KLHL10: variants seen among roughly 807,000 people sequenced by gnomAD.
KLHL10 encodes kelch-like protein 10.
KLHL10 carries 11 observed loss-of-function variants against 46.6 expected under a neutral mutation model. The ratio of observed to expected loss-of-function variants is 0.24; its 90% CI spans 0.15 to 0.39. The LOEUF is 0.39. KLHL10 is among the 10% of genes least tolerant of loss of function. KLHL10 has a pLI of 1.00. For missense variants in KLHL10, 475 were observed against 789.8 expected (o/e 0.60, Z 4.78); for synonymous variants, 254 against 279.1 (o/e 0.91, Z 0.90).
chr17:41,839,180 C>T lies in KLHL10; in HGVS notation c.194+1054C>T, dbSNP rs557690385. Among the ~76,000 whole-genome samples, 10 of 152,130 alleles carry T rather than the reference C, an allele frequency of 6.6e-5. No homozygotes were observed. In the South Asian group the frequency reaches 2.1e-3, roughly 32 times the overall value. On this transcript the variant is annotated intron_variant, in intron 1 of 4. Coordinates refer to ENST00000293303, the MANE Select transcript of KLHL10 (RefSeq NM_152467.5). ...CTAATTTTTGTGTTTTTAGTAGAGA[C>T]GGGGTTTCACCATGTTGGTCAGTCT...
chr17:41,842,656 A>G (rs782370789), intron 2 of KLHL10, among the ~76,000 whole-genome samples: 1 of 151,988 alleles, frequency 6.6e-6, no homozygotes, highest in East Asian at 1.9e-4. Context: ...AAAGTATAAA[A>G]TTTGGCCAGG....
chr17:41,839,574 C>T (rs1344206228), intron 1 of KLHL10, among the ~76,000 whole-genome samples: 2 of 152,160 alleles, frequency 1.3e-5, no homozygotes, highest in Admixed American at 1.3e-4. Flanking sequence ...CATTGTAACC[C>T]AGGAGGTAGA....
At chr17:41,844,329 C>G (rs2048259270) in intron 2 of KLHL10, among the ~76,000 whole-genome samples, 1 of 151,428 alleles carries the variant, frequency 6.6e-6, no homozygotes, top group East Asian at 1.9e-4. Flanking sequence ...CTCCCCAGTT[C>G]AAGCGAGTCT....
At chr17:41,836,321 C>CGGGGGCGGGGCGGGGGTGGGGGG, upstream of KLHL10, 1 of 1,227,728 alleles carries the variant, frequency 8.1e-7, no homozygotes, top group Non-Finnish European at 1.0e-6. Context: ...GGGGTGGGGC[C>CGGGGGCGGGGCGGGGGTGGGGGG]GAGAATCGAG....
intron 3 of KLHL10, among the ~76,000 whole-genome samples, chr17:41,846,517 C>G (rs2048287964): frequency 6.7e-6 from 1 of 148,386 alleles, no homozygotes; most frequent in African/African-American, 2.5e-5. Flanking sequence ...AGCCTGATGA[C>G]AGAGCAAGAC....
Position 41,842,210 on chromosome 17 carries a change from G to A in KLHL10, c.582G>A (p.Glu194=). Residue 194 remains glutamate (E), a synonymous_variant, in exon 2 of 5, where the codon GAG becomes GAA. Transcript: ENST00000293303. ...TELKDIIEKD[E]LNVKQEDAVF... ...TTAAGGATATCATTGAGAAAGATGA[G>A]CTCAATGTCAAACAGGAAGATGCTG... 1.2e-6 allele frequency: 2 copies of A among 1,614,140 alleles called. No individual in the cohort carries two copies. Among genetic ancestry groups the A allele is most frequent in the Non-Finnish European group, 1.7e-6 (2 of 1,180,046 alleles).
chr17:41,837,932 C>T lies in KLHL10; in HGVS notation c.-1C>T, dbSNP rs2048183906. ...GCCTCTCTCCGCTGTCCCAGGGTGC[C>T]ATGGAGATGGAGAGCGCGGCGGCCT... On this transcript the variant is annotated 5_prime_UTR_variant, in exon 1 of 5. Transcript: ENST00000293303. 1.9e-6 allele frequency: 3 copies of T among 1,613,548 alleles called. No individual in the cohort carries two copies. The highest frequency in any genetic ancestry group is 2.5e-6 in the Non-Finnish European group (3 of 1,180,008).
At position 41,842,016 on chromosome 17, in the gene KLHL10, G is replaced by A. The variant is rs201335504; in HGVS notation, c.388G>A (p.Glu130Lys). ...CATGGGTATCGTCAGGGGTTGCTGC[G>A]AGTTCCTCAAGTCAGAGCTGTGCTT... The part of the protein sequence containing the change: ...NIMGIVRGCC[E>K]FLKSELCLDN... The change falls in exon 2 of 5, where the codon GAG becomes AAG. Residue 130 changes from glutamate (E) to lysine (K), a missense_variant. By Grantham distance (56) the Glu-to-Lys change is moderately conservative. Coordinates refer to ENST00000293303, the MANE Select transcript of KLHL10 (RefSeq NM_152467.5). The A allele has an allele frequency of 1.2e-5, 19 of 1,614,136 alleles. No homozygotes were observed. The highest frequency in any genetic ancestry group is 1.6e-4 in the Middle Eastern group (1 of 6,062).
intron 2 of KLHL10, among the ~76,000 whole-genome samples, chr17:41,842,946 AAG>A (rs2048241679): frequency 6.6e-6 from 1 of 151,632 alleles, no homozygotes; most frequent in Admixed American, 6.6e-5. Context: ...CAAAAAAAAA[AAG>A]AAAAAAAAAT....
Position 41,843,003 on chromosome 17 carries a change from G to A in KLHL10, c.684+691G>A, listed in dbSNP as rs575953890. On this transcript the variant is annotated intron_variant, in intron 2 of 4. Coordinates refer to ENST00000293303, the MANE Select transcript of KLHL10 (RefSeq NM_152467.5). ...CCAGGCTTGGTGGTGCATGCCTGCA[G>A]TTCCAGCTACTGGGTGGAAGGCTGA... Among the ~76,000 whole-genome samples, 118 of 149,790 alleles carry A rather than the reference G, an allele frequency of 7.9e-4. 1 individual carries two copies. The highest frequency in any genetic ancestry group is 2.8e-3 in the African/African-American group (115 of 40,692).
upstream of KLHL10, chr17:41,837,533 C>A: frequency 9.7e-7 from 1 of 1,025,948 alleles, no homozygotes; most frequent in Admixed American, 5.0e-5. Context: ...TCTAGGGAGC[C>A]AAGTGTTGGG....
chr17:41,844,542 A>ATTTTTTTTTTTTTTTTTTTTT (rs369578859), intron 2 of KLHL10, among the ~76,000 whole-genome samples: 1 of 115,348 alleles, frequency 8.7e-6, no homozygotes, highest in Non-Finnish European at 1.7e-5. Context: ...TGGTTTTTGT[A>ATTTTTTTTTTTTTTTTTTTTT]TTTTTTTTTT....
chr17:41,840,430 C>A (rs2048215082), intron 1 of KLHL10, among the ~76,000 whole-genome samples: 1 of 152,102 alleles, frequency 6.6e-6, no homozygotes, highest in Non-Finnish European at 1.5e-5. Context: ...GAATTCAAGA[C>A]CAGCCTGGCC....
intron 3 of KLHL10, chr17:41,845,945 C>T (rs1241260780): frequency 6.9e-6 from 5 of 723,604 alleles, no homozygotes; most frequent in South Asian, 5.2e-5. Context: ...GGCACGGTGG[C>T]TCAAGCCCGT....
upstream of KLHL10, chr17:41,836,289 T>TGGTGGGGCCGGGGGGGGGGCGGG: frequency 1.2e-6 from 1 of 869,544 alleles, no homozygotes; most frequent in Non-Finnish European, 1.4e-6. Flanking sequence ...GGGCGGGGGT[T>TGGTGGGGCCGGGGGGGGGGCGGG]GGTGGGGCCG....
Position 41,845,594 on chromosome 17 carries a change from G to A in KLHL10, c.1153G>A (p.Gly385Ser), listed in dbSNP as rs114530188. 32 of 1,614,076 alleles carry A rather than the reference G, an allele frequency of 2.0e-5. No individual in the cohort carries two copies. In the African/African-American group the frequency reaches 3.6e-4, roughly 18 times the overall value. Reference sequence around the variant, plus strand: ...TTGCTATGTCAGTGTGACAGTCCTCGGCAATTTTATTTATGCCATGGGAGG... The same window carrying A: ...TTGCTATGTCAGTGTGACAGTCCTCAGCAATTTTATTTATGCCATGGGAGG... ...RRCYVSVTVL[G>S]NFIYAMGGFD... Residue 385 changes from glycine (G) to serine (S), a missense_variant, in exon 3 of 5, where the codon GGC becomes AGC. By Grantham distance (56) the Gly-to-Ser change is moderately conservative. Transcript: ENST00000293303.
chr17:41,847,855 T>C, intron 4 of KLHL10, 78 bp from the exon 5 acceptor site: 2 of 1,579,526 alleles, frequency 1.3e-6, no homozygotes, highest in South Asian at 1.1e-5. Flanking sequence ...ATGAGATCAC[T>C]GGTACCCCCA....
upstream of KLHL10, chr17:41,836,294 G>A: frequency 8.1e-7 from 1 of 1,232,084 alleles, no homozygotes; most frequent in Non-Finnish European, 1.0e-6. Context: ...GGGGTTGGTG[G>A]GGCCGGGGGC....
intron 2 of KLHL10, among the ~76,000 whole-genome samples, chr17:41,842,595 C>A (rs1202166917): frequency 1.3e-5 from 2 of 152,102 alleles, no homozygotes; most frequent in African/African-American, 4.8e-5. Context: ...GGTGGAGAAT[C>A]ACTTGAGCCC....
Sources: gnomAD v4.1 joint callset for allele counts (sites outside exome capture counted in the v4.1 genomes callset) on GRCh38, gnomAD v4.1.1 for gene constraint, MANE v1.5 for transcripts, NCBI Gene and HGNC (gene_info 2026-07-23, HGNC 2026-07-21) for gene names.